PHEX: variants seen among roughly 807,000 people sequenced by gnomAD.
PHEX encodes the protein phosphate-regulating neutral endopeptidase PHEX.
Under a neutral mutation model 68.0 loss-of-function variants are expected in PHEX, and 16 were observed. That is an observed-to-expected ratio of 0.24 (90% CI 0.16 to 0.36). The LOEUF (loss-of-function observed/expected upper bound fraction) is 0.36, where lower values mean the gene tolerates loss of function less well. PHEX is among the 10% of genes least tolerant of loss of function. The pLI, the probability that PHEX is intolerant of heterozygous loss-of-function variation, is 1.00. For missense variants in PHEX, 480 were observed against 575.5 expected (o/e 0.83, Z 1.70); for synonymous variants, 208 against 205.1 (o/e 1.01, Z -0.12).
At chrX:22,070,373 G>A (rs940250138) in intron 3 of PHEX, among the ~76,000 whole-genome samples, 47 of 111,653 alleles carry the variant, frequency 4.2e-4, no homozygotes, top group African/African-American at 1.2e-3. Context: ...TGACACTGAC[G>A]TGAAGATTTT....
In PHEX at chrX:22,227,621, C is replaced by T. The variant is rs1014776047; in HGVS notation, c.2070+10C>T. 6.3e-6 allele frequency: 7 copies of T among 1,113,369 alleles called. No homozygotes were observed. In the East Asian group the frequency reaches 2.1e-4, roughly 33 times the overall value. The allele number at this position is 1,113,369 out of a possible 1,213,427, so 91.8% of individuals were successfully genotyped here. On this transcript the variant is annotated intron_variant, in intron 20 of 21. Transcript: ENST00000379374. ...CCTGAGTTATGCTCATGTGAGTAGA[C>T]TGAGGAAGGGGCATCAGGGATGAGA...
At chrX:22,187,571 C>T (rs1163971268) in intron 14 of PHEX, among the ~76,000 whole-genome samples, 2 of 111,473 alleles carry the variant, frequency 1.8e-5, no homozygotes, top group East Asian at 2.8e-4. Flanking sequence ...TTAATTACAC[C>T]TGCAAAGTCC....
chrX:22,216,458 T>C (rs950652063), intron 16 of PHEX, among the ~76,000 whole-genome samples: 8 of 110,772 alleles, frequency 7.2e-5, no homozygotes, highest in African/African-American at 2.6e-4. Context: ...CCAGTCAAGG[T>C]TGCATTTTAA....
chrX:22,174,115 T>C (rs1229492617), intron 13 of PHEX, among the ~76,000 whole-genome samples: 1 of 111,882 alleles, frequency 8.9e-6, no homozygotes, highest in Non-Finnish European at 1.9e-5. Context: ...CTGAATTTTA[T>C]GATCGGGACA....
intron 20 of PHEX, among the ~76,000 whole-genome samples, chrX:22,230,263 G>GTTTTTTTTTTTTTTTTTT (rs1935677854): frequency 6.2e-5 from 1 of 16,051 alleles, no homozygotes; most frequent in African/African-American, 2.5e-4. Flanking sequence ...TTTTTTTTTT[G>GTTTTTTTTTTTTTTTTTT]GTTCCATATG....
At chrX:22,240,644 CAAAAGAGACAAA>C (rs1240865688) in intron 20 of PHEX, among the ~76,000 whole-genome samples, 1 of 91,684 alleles carries the variant, frequency 1.1e-5, no homozygotes, top group Admixed American at 1.1e-4. Flanking sequence ...CAACAAAGAT[CAAAAGAGACAAA>C]GAAAGAAGAG....
At chrX:22,203,847 T>C (rs757881569) in intron 15 of PHEX, among the ~76,000 whole-genome samples, 18 of 112,095 alleles carry the variant, frequency 1.6e-4, no homozygotes, top group South Asian at 3.7e-4. Context: ...ACATGCATGG[T>C]GTTGATGACA....
chrX:22,106,795 A>C (rs1930716599), intron 9 of PHEX, among the ~76,000 whole-genome samples: 1 of 107,456 alleles, frequency 9.3e-6, no homozygotes, highest in Non-Finnish European at 1.9e-5. Flanking sequence ...AAAAAAAAAA[A>C]ACCAAATAGA....
chrX:22,063,346 A>C (rs1181530276), intron 3 of PHEX, among the ~76,000 whole-genome samples: 1 of 112,563 alleles, frequency 8.9e-6, no homozygotes, highest in Non-Finnish European at 1.9e-5. Context: ...TGATTTACAC[A>C]TTGGTCTGGA....
At chrX:22,153,895 A>G (rs1194951984) in intron 12 of PHEX, among the ~76,000 whole-genome samples, 3 of 112,192 alleles carry the variant, frequency 2.7e-5, no homozygotes, top group Non-Finnish European at 5.6e-5. Context: ...ACTTAAAAAT[A>G]GATTTTGCGA....
chrX:22,245,257 AT>A, intron 20 of PHEX, 75 bp from the exon 21 acceptor site: 1 of 794,813 alleles, frequency 1.3e-6, no homozygotes, highest in South Asian at 2.0e-5. Context: ...CCTCAGTATA[AT>A]TTGGAGCAGT....
intron 2 of PHEX, among the ~76,000 whole-genome samples, chrX:22,046,289 C>T (rs1196077779): frequency 8.9e-6 from 1 of 112,105 alleles, no homozygotes; most frequent in Admixed American, 9.5e-5. Flanking sequence ...AGCTTTGAAA[C>T]TCACAGAAAG....
intron 20 of PHEX, among the ~76,000 whole-genome samples, chrX:22,234,046 C>G (rs1295945173): frequency 8.9e-6 from 1 of 112,647 alleles, no homozygotes; most frequent in Non-Finnish European, 1.9e-5. Flanking sequence ...TTCCTTCTTA[C>G]AAACAGGCTC....
chrX:22,141,848 G>T (rs1932477535), intron 12 of PHEX, among the ~76,000 whole-genome samples: 1 of 112,032 alleles, frequency 8.9e-6, no homozygotes, highest in Non-Finnish European at 1.9e-5. Flanking sequence ...CCATACATAG[G>T]CTTTGAAAGG....
At chrX:22,229,268 G>A (rs1324780393) in intron 20 of PHEX, among the ~76,000 whole-genome samples, 1 of 111,718 alleles carries the variant, frequency 9.0e-6, no homozygotes, top group Non-Finnish European at 1.9e-5. Context: ...GTAATGGGAT[G>A]GCTGGGTCAA....
intron 18 of PHEX, among the ~76,000 whole-genome samples, chrX:22,224,274 C>T (rs1602408532): frequency 8.9e-6 from 1 of 111,978 alleles, no homozygotes; most frequent in Non-Finnish European, 1.9e-5. Context: ...TGAGCCACCG[C>T]ACCCAGCCCA....
intron 18 of PHEX, among the ~76,000 whole-genome samples, chrX:22,223,026 C>CAG (rs762897819): frequency 3.6e-5 from 4 of 111,689 alleles, no homozygotes; most frequent in Non-Finnish European, 5.6e-5. Flanking sequence ...GCCAAAGTGT[C>CAG]AGAGATTGAA....
chrX:22,248,168 A>G lies in PHEX; in HGVS notation c.*215A>G. ...AAGAATGAACTAAGTATGTTTCTTT[A>G]GAAAATCAAACCAACAAAAATAAAT... On this transcript the variant is annotated 3_prime_UTR_variant, in exon 22 of 22. Coordinates refer to ENST00000379374, the MANE Select transcript of PHEX (RefSeq NM_000444.6). 2.4e-6 allele frequency: 1 copy of G among 417,426 alleles called. No homozygotes were observed. The highest frequency in any genetic ancestry group is 4.0e-5 in the East Asian group (1 of 25,096). 34.4% of individuals were successfully genotyped at this position (417,426 alleles called of 1,213,427 possible). A position where few individuals can be genotyped will look rare whatever the true frequency, so the allele number is the denominator to read the frequency against.
chrX:22,216,150 C>T (rs1406473010), intron 16 of PHEX, among the ~76,000 whole-genome samples: 1 of 111,826 alleles, frequency 8.9e-6, no homozygotes, highest in Non-Finnish European at 1.9e-5. Flanking sequence ...AGAGGGGGCC[C>T]ATTCCTCTAG....
Sources: allele counts gnomAD v4.1 joint callset (sites outside exome capture counted in the v4.1 genomes callset), GRCh38; gene constraint gnomAD v4.1.1; transcripts MANE v1.5; gene names NCBI Gene and HGNC (gene_info 2026-07-23, HGNC 2026-07-21).